ASCC1: variants seen among roughly 807,000 people sequenced by gnomAD.
ASCC1 encodes activating signal cointegrator 1 complex subunit 1.
Under a neutral mutation model 46.6 loss-of-function variants are expected in ASCC1, and 35 were observed. The ratio of observed to expected loss-of-function variants is 0.75; its 90% CI spans 0.57 to 0.99. ASCC1 has a LOEUF of 0.99. Ranked by LOEUF, ASCC1 falls within the 50% of genes least tolerant of loss-of-function variation. ASCC1 has a pLI of 0.00. For synonymous variants in ASCC1, 143 were observed against 146.6 expected, an observed-to-expected ratio of 0.98 and a Z score of 0.18; for missense variants, 376 against 428.7, an observed-to-expected ratio of 0.88 and a Z score of 1.09.
chr10:72,096,187 GAGA>G lies in ASCC1; in HGVS notation c.*1144_*1146del, dbSNP rs776613148. On this transcript the variant is annotated 3_prime_UTR_variant, in exon 10 of 10. Transcript: ENST00000672957. Reference sequence around the variant, plus strand: ...AAGAATCAAGGCAAGAATAAGGAAGGAGAAGAAGGAGAGGACATGGAGGGAGGA... The same window carrying G: ...AAGAATCAAGGCAAGAATAAGGAAGGAGAAGGAGAGGACATGGAGGGAGGA... 4 of 454,062 alleles carry G rather than the reference GAGA, an allele frequency of 8.8e-6. No individual in the cohort carries two copies. Among genetic ancestry groups the G allele is most frequent in the South Asian group, 3.1e-5 (2 of 64,480 alleles). The allele number at this position is 454,062 out of a possible 1,614,324, so 28.1% of individuals were successfully genotyped here.
chr10:72,206,358 C>G (rs1407590444), intron 3 of ASCC1, among the ~76,000 whole-genome samples: 5 of 151,602 alleles, frequency 3.3e-5, no homozygotes, highest in Admixed American at 3.3e-4. Flanking sequence ...GAGCCGAGAT[C>G]ATGCCATTGC....
At chr10:72,192,068 A>C (rs913677571) in intron 5 of ASCC1, among the ~76,000 whole-genome samples, 9 of 152,360 alleles carry the variant, frequency 5.9e-5, no homozygotes, top group African/African-American at 1.9e-4. Context: ...TGAAAAGACA[A>C]GCTACAGATT....
chr10:72,190,571 C>A, intron 5 of ASCC1: 2 of 1,357,188 alleles, frequency 1.5e-6, no homozygotes, highest in Non-Finnish European at 1.0e-6. Context: ...CCACCATTAT[C>A]GCTAATATAA....
intron 2 of ASCC1, 26 bp from the exon 3 acceptor site, chr10:72,210,857 T>C: frequency 3.7e-6 from 6 of 1,606,526 alleles, no homozygotes; most frequent in Non-Finnish European, 5.1e-6. Context: ...CACATCTCAC[T>C]CAGAAACAAT....
intron 9 of ASCC1, among the ~76,000 whole-genome samples, chr10:72,105,555 AT>A (rs1842255959): frequency 6.6e-6 from 1 of 152,224 alleles, no homozygotes; most frequent in South Asian, 2.1e-4. Context: ...AAAGAGAGAA[AT>A]GTAGACCTTT....
chr10:72,204,301 G>A (rs1856900294), intron 3 of ASCC1: 3 of 1,085,020 alleles, frequency 2.8e-6, no homozygotes, highest in Non-Finnish European at 4.0e-6. Context: ...TAGAATATCT[G>A]AGGACTCATG....
intron 5 of ASCC1, among the ~76,000 whole-genome samples, chr10:72,191,952 A>G (rs1854581863): frequency 6.6e-6 from 1 of 152,002 alleles, no homozygotes. Flanking sequence ...CGGCCAGGAA[A>G]AGATTTTTTA....
At chr10:72,102,512 T>C (rs2131905644) in intron 9 of ASCC1, 2 of 934,388 alleles carry the variant, frequency 2.1e-6, no homozygotes, top group South Asian at 1.4e-5. Context: ...GAAATGAACC[T>C]TTTTTGTCTA....
At chr10:72,136,105 C>T (rs1846155314) in intron 7 of ASCC1, among the ~76,000 whole-genome samples, 1 of 152,160 alleles carries the variant, frequency 6.6e-6, no homozygotes, top group South Asian at 2.1e-4. Context: ...TAACTGCAGC[C>T]TTGAACTCCT....
chr10:72,163,226 T>C (rs774848382), intron 5 of ASCC1, among the ~76,000 whole-genome samples: 1 of 152,078 alleles, frequency 6.6e-6, no homozygotes, highest in Admixed American at 6.5e-5. Flanking sequence ...CTCAAAAAGT[T>C]AAACATAGAA....
chr10:72,214,083 T>C (rs981897393), intron 1 of ASCC1, among the ~76,000 whole-genome samples: 12 of 151,720 alleles, frequency 7.9e-5, no homozygotes, highest in Admixed American at 7.9e-4. Flanking sequence ...CCAGGCATGG[T>C]GGCTTACACC....
At chr10:72,160,695 T>A (rs1384890907) in intron 6 of ASCC1, among the ~76,000 whole-genome samples, 2 of 146,836 alleles carry the variant, frequency 1.4e-5, no homozygotes, top group Non-Finnish European at 3.0e-5. Context: ...AAAGACCCCG[T>A]CCCTAAAAAA....
rs188696183 is a variant in ASCC1 at position 72,151,001 on chromosome 10, A to G, written c.746+1868T>C. ...GAACGCTTTTACACTGTTGGTGGGA[A>G]TGTAAACTAGTTCAACCACTGTGGA... On this transcript the variant is annotated intron_variant, in intron 7 of 9. Coordinates refer to ENST00000672957, the MANE Select transcript of ASCC1 (RefSeq NM_001198800.3). Among the ~76,000 whole-genome samples the G allele has an allele frequency of 9.7e-3, 1,476 of 152,308 alleles. 20 individuals are homozygous for G. Among genetic ancestry groups the G allele is most frequent in the African/African-American group, 0.034 (1,405 of 41,576 alleles).
At position 72,142,547 on chromosome 10, in the gene ASCC1, C is replaced by T. The variant is rs370204701; in HGVS notation, c.747-9366G>A. On this transcript the variant is annotated intron_variant, in intron 7 of 9. Transcript: ENST00000672957. ...ATGCCCGGCTAATTTTTGTATTTTTCGTAGAGACGGGGTTTCACCATGTTG... is the reference window on the plus strand; with the variant it reads ...ATGCCCGGCTAATTTTTGTATTTTTTGTAGAGACGGGGTTTCACCATGTTG... Among the ~76,000 whole-genome samples the T allele has an allele frequency of 2.0e-3, 298 of 151,746 alleles. 1 individual carries two copies. Among genetic ancestry groups the T allele is most frequent in the Middle Eastern group, 6.8e-3 (2 of 294 alleles).
intron 2 of ASCC1, among the ~76,000 whole-genome samples, chr10:72,211,975 G>A (rs1858202940): frequency 6.6e-6 from 1 of 152,130 alleles, no homozygotes; most frequent in African/African-American, 2.4e-5. Context: ...CCCGAAGTCA[G>A]GAGTTTGAGG....
intron 5 of ASCC1, among the ~76,000 whole-genome samples, chr10:72,180,698 CA>C (rs111609131): frequency 1.4e-3 from 200 of 147,188 alleles, no homozygotes; most frequent in Non-Finnish European, 2.1e-3. Flanking sequence ...TTAGACACTT[CA>C]AAAAAAAAAA....
chr10:72,174,182 G>T (rs1484978487), intron 5 of ASCC1, among the ~76,000 whole-genome samples: 1 of 152,176 alleles, frequency 6.6e-6, no homozygotes, highest in East Asian at 1.9e-4. Flanking sequence ...TCAGTCCTGA[G>T]TGCATGGAGC....
intron 5 of ASCC1, among the ~76,000 whole-genome samples, chr10:72,180,027 G>A (rs11812288): frequency 0.068 from 10,279 of 151,988 alleles, 1,154 homozygotes; most frequent in African/African-American, 0.23. Context: ...CTGTAATCTC[G>A]GCATTTTAGG....
intron 6 of ASCC1, among the ~76,000 whole-genome samples, chr10:72,153,656 G>A (rs1303105884): frequency 6.6e-6 from 1 of 151,838 alleles, no homozygotes; most frequent in African/African-American, 2.4e-5. Flanking sequence ...TCGATCTCCT[G>A]ACCTCGTGAT....
Sources: gnomAD v4.1 joint callset for allele counts (sites outside exome capture counted in the v4.1 genomes callset) on GRCh38, gnomAD v4.1.1 for gene constraint, MANE v1.5 for transcripts, NCBI Gene and HGNC (gene_info 2026-07-23, HGNC 2026-07-21) for gene names.